Variants in HMGB1 observed in about 807,000 individuals in gnomAD.
The protein encoded by HMGB1 is high mobility group protein B1.
For missense variants in HMGB1, 79 were observed against 253.5 expected (o/e 0.31, Z 4.67); for synonymous variants, 81 against 84.0 (o/e 0.96, Z 0.19).
chr13:30,483,617 CTTT>C (rs61395953), intron 1 of HMGB1, among the ~76,000 whole-genome samples: 3 of 135,878 alleles, frequency 2.2e-5, no homozygotes, highest in East Asian at 2.2e-4. Context: ...GTGCAAATTT[CTTT>C]TTTTTTTTTT....
chr13:30,606,092 T>C (rs573781364), intron 1 of HMGB1, among the ~76,000 whole-genome samples: 3 of 152,354 alleles, frequency 2.0e-5, no homozygotes, highest in South Asian at 2.1e-4. Flanking sequence ...TTGTCATGTG[T>C]CTTTGGTCTC....
chr13:30,482,778 A>T (rs1439607771), intron 1 of HMGB1, among the ~76,000 whole-genome samples: 1 of 141,264 alleles, frequency 7.1e-6, no homozygotes, highest in Non-Finnish European at 1.6e-5. Flanking sequence ...GGTCTTTACC[A>T]ATTTTTTTTT....
chr13:30,458,071 G>A lies in HMGB1; in HGVS notation c.*3286C>T, dbSNP rs1203847733. 2 of 152,140 alleles carry A rather than the reference G, an allele frequency of 1.3e-5. No individual in the cohort carries two copies. The highest frequency in any genetic ancestry group is 1.9e-4 in the East Asian group (1 of 5,204). 9.4% of individuals were successfully genotyped at this position (152,140 alleles called of 1,614,324 possible). On this transcript the variant is annotated 3_prime_UTR_variant, in exon 5 of 5. Coordinates refer to ENST00000341423, the MANE Select transcript of HMGB1 (RefSeq NM_002128.7). ...TCACATTTTAGCAAGTTAATTCTAA[G>A]ACTTAAGCTGTGTACGGTGTGTGCA... is the stretch of plus-strand genomic sequence containing the variant.
chr13:30,517,555 G>A (rs1389735981), intron 1 of HMGB1, among the ~76,000 whole-genome samples: 1 of 152,102 alleles, frequency 6.6e-6, no homozygotes, highest in Non-Finnish European at 1.5e-5. Flanking sequence ...CACCATGCCT[G>A]GCTAATTTTT....
intron 1 of HMGB1, among the ~76,000 whole-genome samples, chr13:30,560,988 T>C (rs1019185031): frequency 1.3e-5 from 2 of 151,330 alleles, no homozygotes; most frequent in African/African-American, 4.9e-5. Context: ...GCGAAGTCTG[T>C]AGAAATGAAA....
chr13:30,457,557 T>C lies in HMGB1; in HGVS notation c.*3800A>G, dbSNP rs1369527193. ...TAGAGATTCTATGTAATCTCTCATG[T>C]CAAAATAAGTAAAAATTCCACTAAT... On this transcript the variant is annotated 3_prime_UTR_variant, in exon 5 of 5. Transcript: ENST00000341423. The C allele has an allele frequency of 6.6e-6, 1 of 152,206 alleles. No individual in the cohort carries two copies. The highest frequency in any genetic ancestry group is 2.4e-5 in the African/African-American group (1 of 41,448). 9.4% of individuals were successfully genotyped at this position (152,206 alleles called of 1,614,324 possible). A position where few individuals can be genotyped will look rare whatever the true frequency, so the allele number is the denominator to read the frequency against.
intron 1 of HMGB1, among the ~76,000 whole-genome samples, chr13:30,589,133 G>C (rs1871274026): frequency 1.3e-5 from 2 of 151,324 alleles, no homozygotes; most frequent in South Asian, 4.2e-4. Flanking sequence ...AGCCTCCCGA[G>C]TAGCTGGGAT....
intron 1 of HMGB1, among the ~76,000 whole-genome samples, chr13:30,509,256 T>TTTTTTTTTTTTTTA (rs1331855852): frequency 2.6e-5 from 4 of 151,862 alleles, no homozygotes; most frequent in Non-Finnish European, 4.4e-5. Context: ...CTTTTTTTTT[T>TTTTTTTTTTTTTTA]GAGATGGAAT....
In HMGB1 at chr13:30,463,193, G is replaced by T. The variant is rs368601923; in HGVS notation, c.296+14C>A. On this transcript the variant is annotated intron_variant, in intron 3 of 4. Transcript: ENST00000341423. ...AAAACGTGTCTGGGAAGTAAAAACA[G>T]GCAAGATACTCACGGAGGCCTCTTG... 3.5e-5 allele frequency: 56 copies of T among 1,598,428 alleles called. No individual in the cohort carries two copies. In the African/African-American group the frequency reaches 5.4e-4, roughly 15 times the overall value.
intron 1 of HMGB1, among the ~76,000 whole-genome samples, chr13:30,579,348 CAT>C (rs1439720126): frequency 1.3e-5 from 2 of 152,232 alleles, no homozygotes; most frequent in Non-Finnish European, 2.9e-5. Flanking sequence ...CTGTCACACA[CAT>C]GTGTACCTGT....
At chr13:30,461,886 C>A (rs1390506300) in intron 4 of HMGB1, among the ~76,000 whole-genome samples, 1 of 152,010 alleles carries the variant, frequency 6.6e-6, no homozygotes, top group African/African-American at 2.4e-5. Flanking sequence ...AAGCACTCTA[C>A]AGGTTTACAC....
chr13:30,549,562 T>G (rs912433903), intron 1 of HMGB1, among the ~76,000 whole-genome samples: 25 of 151,498 alleles, frequency 1.7e-4, no homozygotes, highest in Non-Finnish European at 2.5e-4. Context: ...TTTGTACTTT[T>G]TGTGTGTGTG....
intron 1 of HMGB1, among the ~76,000 whole-genome samples, chr13:30,577,893 G>A (rs1489291838): frequency 3.9e-5 from 6 of 152,170 alleles, no homozygotes; most frequent in African/African-American, 7.2e-5. Flanking sequence ...AAACACTTCA[G>A]TGGGCTCCCC....
At chr13:30,483,300 G>C (rs1887277980) in intron 1 of HMGB1, among the ~76,000 whole-genome samples, 1 of 152,070 alleles carries the variant, frequency 6.6e-6, no homozygotes. Flanking sequence ...AACTTCCTCT[G>C]GGGGTCCTCT....
intron 1 of HMGB1, chr13:30,465,073 C>T: frequency 1.2e-5 from 10 of 856,398 alleles, no homozygotes; most frequent in Non-Finnish European, 1.4e-5. Flanking sequence ...AAAAAGTTGC[C>T]TCGGAACTGC....
chr13:30,475,451 G>A (rs1887072754), intron 1 of HMGB1, among the ~76,000 whole-genome samples: 1 of 150,732 alleles, frequency 6.6e-6, no homozygotes, highest in South Asian at 2.1e-4. Flanking sequence ...GGGCTCAAGT[G>A]ATCTGCCTGT....
At chr13:30,549,495 G>A (rs1057166117) in intron 1 of HMGB1, among the ~76,000 whole-genome samples, 5 of 152,138 alleles carry the variant, frequency 3.3e-5, no homozygotes, top group African/African-American at 4.8e-5. Context: ...TGGTCCTCCT[G>A]CATCAGCCTC....
chr13:30,513,678 C>G (rs965512348), intron 1 of HMGB1, among the ~76,000 whole-genome samples: 6 of 152,174 alleles, frequency 3.9e-5, no homozygotes, highest in African/African-American at 1.4e-4. Context: ...TTTAATTTGG[C>G]CAATGCCAAG....
intron 1 of HMGB1, among the ~76,000 whole-genome samples, chr13:30,502,455 T>G (rs1887754383): frequency 6.6e-6 from 1 of 152,112 alleles, no homozygotes; most frequent in South Asian, 2.1e-4. Flanking sequence ...ATTCTAGACA[T>G]TTTTAGTTTA....
Sources: gnomAD v4.1 joint callset for allele counts (sites outside exome capture counted in the v4.1 genomes callset) on GRCh38, gnomAD v4.1.1 for gene constraint, MANE v1.5 for transcripts, NCBI Gene and HGNC (gene_info 2026-07-23, HGNC 2026-07-21) for gene names.